Variants in KIF13A observed in about 807,000 individuals in gnomAD.
The protein encoded by KIF13A is kinesin family member 13A.
KIF13A carries 79 observed loss-of-function variants against 212.2 expected under a neutral mutation model. The ratio of observed to expected loss-of-function variants is 0.37; its 90% CI spans 0.31 to 0.45. KIF13A has a LOEUF of 0.45. Among genes scored for constraint, KIF13A ranks in the 20% least tolerant of loss-of-function variants. KIF13A has a pLI of 1.00. For missense variants in KIF13A, 1,901 were observed against 2,209.0 expected (o/e 0.86, Z 2.79); for synonymous variants, 789 against 808.6 (o/e 0.98, Z 0.41).
At chr6:17,770,361 A>AGTTTTTTTTTTTTT (rs1759378812) in intron 38 of KIF13A, 1 of 119,446 alleles carries the variant, frequency 8.4e-6, no homozygotes. Context: ...AATAAACAGG[A>AGTTTTTTTTTTTTT]TTTTTTTTTT....
intron 2 of KIF13A, among the ~76,000 whole-genome samples, chr6:17,974,245 CT>C (rs1780077283): frequency 6.6e-6 from 1 of 152,056 alleles, no homozygotes; most frequent in Non-Finnish European, 1.5e-5. Flanking sequence ...ACATGCCCGG[CT>C]TTTTTGTATT....
Position 17,785,609 on chromosome 6 carries a change from G to A in KIF13A, c.3394C>T (p.Gln1132Ter). ...KTEDDVEREA[Q>*]LVEQWVGLTE... Reference sequence around the variant, plus strand: ...AGCCCTACCCACTGCTCCACAAGCTGGGCTTCCCGCTCCACATCGTCCTCT... The same window carrying A: ...AGCCCTACCCACTGCTCCACAAGCTAGGCTTCCCGCTCCACATCGTCCTCT... Residue 1132 changes from glutamine (Q) to a stop codon, truncating the protein, a stop_gained, in exon 28 of 39, where the codon CAG becomes TAG. Coordinates refer to ENST00000259711, the MANE Select transcript of KIF13A (RefSeq NM_022113.6). LOFTEE classifies it high-confidence loss of function. The surrounding 1 kb of genome is among the most constrained non-coding windows in gnomAD (Gnocchi z 5.8). The A allele has an allele frequency of 6.2e-7, 1 of 1,606,254 alleles. No homozygotes were observed. Among genetic ancestry groups the A allele is most frequent in the Non-Finnish European group, 8.5e-7 (1 of 1,176,638 alleles).
At chr6:17,846,040 C>CATTTTTTT (rs1767003303) in intron 9 of KIF13A, among the ~76,000 whole-genome samples, 1 of 90,696 alleles carries the variant, frequency 1.1e-5, no homozygotes, top group Admixed American at 1.2e-4. Context: ...TGGAACTCAA[C>CATTTTTTT]CTTTTTTTTT....
At chr6:17,936,088 T>C (rs142040930) in intron 2 of KIF13A, among the ~76,000 whole-genome samples, 1 of 152,316 alleles carries the variant, frequency 6.6e-6, no homozygotes, top group African/African-American at 2.4e-5. Flanking sequence ...TCCAGGTTAA[T>C]TTGACATTAT....
intron 16 of KIF13A, among the ~76,000 whole-genome samples, chr6:17,818,326 A>G (rs1465357268): frequency 1.3e-5 from 2 of 152,172 alleles, no homozygotes; most frequent in African/African-American, 4.8e-5. Flanking sequence ...AATTAAAGTG[A>G]CTCAGGAGGA....
rs1475566657 is a variant in KIF13A, at chr6:17,804,376, G to A, written c.2439C>T (p.Ile813=). The change falls in exon 20 of 39, where the codon ATC becomes ATT. Residue 813 remains isoleucine, a synonymous_variant. Transcript: ENST00000259711. ...CTGTGCTTACCTCCCCCTGCTGGCT[G>A]ATGATAGGGACTGCATACTGAAGTT... The part of the protein sequence containing the change: ...DVKLQYAVPI[I]SQQGEVAGRL... 2 of 1,544,464 alleles carry A rather than the reference G, an allele frequency of 1.3e-6. No individual in the cohort carries two copies. Among genetic ancestry groups the A allele is most frequent in the African/African-American group, 2.7e-5 (2 of 72,938 alleles).
intron 9 of KIF13A, among the ~76,000 whole-genome samples, chr6:17,841,992 TAC>T (rs1766560782): frequency 7.4e-6 from 1 of 134,282 alleles, no homozygotes; most frequent in Non-Finnish European, 1.6e-5. Flanking sequence ...TATGTGTATA[TAC>T]ACATACGTGT....
intron 2 of KIF13A, among the ~76,000 whole-genome samples, chr6:17,960,015 T>A (rs1049584269): frequency 7.1e-6 from 1 of 140,930 alleles, no homozygotes. Flanking sequence ...AGAGCAAAAC[T>A]CCACCTCAAA....
At chr6:17,907,472 G>A (rs925999874) in intron 2 of KIF13A, among the ~76,000 whole-genome samples, 2 of 151,312 alleles carry the variant, frequency 1.3e-5, no homozygotes, top group African/African-American at 4.9e-5. Context: ...TTAATAGCAT[G>A]AATTAGCCCT....
At chr6:17,917,362 T>C (rs1774626020) in intron 2 of KIF13A, among the ~76,000 whole-genome samples, 1 of 146,252 alleles carries the variant, frequency 6.8e-6, no homozygotes, top group Admixed American at 7.1e-5. Context: ...TGCCTCAACC[T>C]CCCGAGAAGC....
rs761425219 is a variant in KIF13A, at chr6:17,833,961, C to A, written c.1266G>T (p.Gln422His). Residue 422 changes from glutamine to histidine, a missense_variant and splice_region_variant, in exon 12 of 39, where the codon CAG (glutamine) becomes CAT (histidine). Coordinates refer to ENST00000259711, the MANE Select transcript of KIF13A (RefSeq NM_022113.6). ...TTTTAGGGCTAAATTATCAAGCTAC[C>A]TGTGCTATCTCTTCTGTTTTTCTCA... ...EKLRKTEEIA[Q>H]ERQRQLESMG... 1 of 1,501,048 alleles carries A rather than the reference C, an allele frequency of 6.7e-7. No individual in the cohort carries two copies. Among genetic ancestry groups the A allele is most frequent in the South Asian group, 1.2e-5 (1 of 81,246 alleles). 93.0% of individuals were successfully genotyped at this position (1,501,048 alleles called of 1,614,324 possible). A position where few individuals can be genotyped will look rare whatever the true frequency, so the allele number is the denominator to read the frequency against.
At position 17,825,264 on chromosome 6, in the gene KIF13A, C is replaced by T. The variant is rs1337215291; in HGVS notation, c.1786+504G>A. Among the ~76,000 whole-genome samples the T allele has an allele frequency of 6.6e-6, 1 of 152,168 alleles. No homozygotes were observed. Among genetic ancestry groups the T allele is most frequent in the Non-Finnish European group, 1.5e-5 (1 of 68,018 alleles). On this transcript the variant is annotated intron_variant, in intron 16 of 38. Transcript: ENST00000259711. The surrounding 1 kb of genome is among the most constrained non-coding windows in gnomAD (Gnocchi z 4.5). ...CAAATAAAGAGGCTATAAAGCATTT[C>T]ATTTTCACTATCATTTTTGTAAAAG...
At chr6:17,879,622 C>T (rs76295687) in intron 3 of KIF13A, among the ~76,000 whole-genome samples, 2 of 152,126 alleles carry the variant, frequency 1.3e-5, no homozygotes, top group African/African-American at 2.4e-5. Context: ...GTAGTCTGCA[C>T]AGAAATTAGA....
intron 9 of KIF13A, among the ~76,000 whole-genome samples, chr6:17,844,777 C>T (rs912043611): frequency 9.9e-5 from 15 of 152,050 alleles, no homozygotes; most frequent in Admixed American, 5.9e-4. Flanking sequence ...GTATGGACTC[C>T]GTAATGTACA....
rs896542965 is a variant in KIF13A at position 17,785,840 on chromosome 6, C to T, written c.3362-199G>A. Among the ~76,000 whole-genome samples the T allele has an allele frequency of 3.9e-5, 6 of 151,984 alleles. No homozygotes were observed. The highest frequency in any genetic ancestry group is 1.5e-4 in the African/African-American group (6 of 41,378). On this transcript the variant is annotated intron_variant, in intron 27 of 38. Coordinates refer to ENST00000259711, the MANE Select transcript of KIF13A (RefSeq NM_022113.6). The surrounding 1 kb of genome is among the most constrained non-coding windows in gnomAD (Gnocchi z 5.8). ...GCTGAGGTGGGAAGATCACTTGAGCCTGGGAGTTCAAGGCTACAGTGAGCT... is the reference window on the plus strand; with the variant it reads ...GCTGAGGTGGGAAGATCACTTGAGCTTGGGAGTTCAAGGCTACAGTGAGCT...
chr6:17,842,443 C>T (rs1352980780), intron 9 of KIF13A, among the ~76,000 whole-genome samples: 1 of 152,176 alleles, frequency 6.6e-6, no homozygotes, highest in African/African-American at 2.4e-5. Context: ...ACTGTCTTCT[C>T]AAGCTGGAGG....
chr6:17,898,016 C>T lies in KIF13A; in HGVS notation c.159+152G>A, dbSNP rs139293405. ...GAGTGACACTCTAACTTTATGTTAA[C>T]ACTGATATTAATTGTTCATGATGTG... On this transcript the variant is annotated intron_variant, in intron 3 of 38. Coordinates refer to ENST00000259711, the MANE Select transcript of KIF13A (RefSeq NM_022113.6). This position sits in a 1 kb window ranked among gnomAD's most constrained non-coding sequence, Gnocchi z 5.2. 4.6e-3 allele frequency among the ~76,000 whole-genome samples: 698 copies of T among 152,302 alleles called. 3 individuals carry two copies. The highest frequency in any genetic ancestry group is 8.1e-3 in the Non-Finnish European group (553 of 68,022).
chr6:17,779,257 A>ATATATATTTT (rs1561961153), intron 32 of KIF13A, among the ~76,000 whole-genome samples, 158 bp from the exon 33 acceptor site: 3 of 37,848 alleles, frequency 7.9e-5, no homozygotes, highest in African/African-American at 3.5e-4. Context: ...ATATATATAT[A>ATATATATTTT]TTTTTTTTTT....
At chr6:17,830,017 C>T (rs1305410552) in intron 13 of KIF13A, among the ~76,000 whole-genome samples, 3 of 152,092 alleles carry the variant, frequency 2.0e-5, no homozygotes, top group East Asian at 3.9e-4. Context: ...CTTGAAAGTT[C>T]GTTTCTGTAA....
Sources: gnomAD v4.1 joint callset for allele counts (sites outside exome capture counted in the v4.1 genomes callset) on GRCh38, gnomAD v4.1.1 for gene constraint, Gnocchi (gnomAD v3.1) non-coding constraint, MANE v1.5 for transcripts, NCBI Gene and HGNC (gene_info 2026-07-23, HGNC 2026-07-21) for gene names.